Variants in KCNAB2 observed in about 807,000 individuals in gnomAD.
KCNAB2 encodes potassium voltage-gated channel subfamily A regulatory beta subunit 2.
Under a neutral mutation model 63.6 loss-of-function variants are expected in KCNAB2, and 29 were observed. The ratio of observed to expected loss-of-function variants is 0.46; its 90% CI spans 0.34 to 0.62. The LOEUF is 0.62. Ranked by LOEUF, KCNAB2 falls within the 20% of genes least tolerant of loss-of-function variation. The probability of loss-of-function intolerance (pLI) is 0.01; values close to 1 mark genes in which losing one functional copy is unlikely to be tolerated. For synonymous variants in KCNAB2, 222 were observed against 224.2 expected (o/e 0.99, Z 0.09); for missense variants, 359 against 563.9 (o/e 0.64, Z 3.68).
At chr1:6,030,538 CAT>C (rs1390306496), upstream of KCNAB2, among the ~76,000 whole-genome samples, 1 of 144,378 alleles carries the variant, frequency 6.9e-6, no homozygotes, top group African/African-American at 2.6e-5. Flanking sequence ...TGTGTGTGTA[CAT>C]ATGTGTGTAT....
intron 1 of KCNAB2, among the ~76,000 whole-genome samples, chr1:5,998,696 G>T (rs1657072235): frequency 6.6e-6 from 1 of 152,236 alleles, no homozygotes; most frequent in South Asian, 2.1e-4. Context: ...CAAGGAGGCA[G>T]CCTCTGTTGA....
upstream of KCNAB2, among the ~76,000 whole-genome samples, chr1:6,033,211 A>C (rs1467174865): frequency 6.6e-6 from 1 of 150,524 alleles, no homozygotes; most frequent in Non-Finnish European, 1.5e-5. Context: ...GTGTGTGTGC[A>C]TGTGGGTGTG....
At chr1:6,098,240 G>A in intron 15 of KCNAB2, 3 of 1,268,172 alleles carry the variant, frequency 2.4e-6, no homozygotes, top group Middle Eastern at 3.0e-4. Flanking sequence ...CACCCTTCAG[G>A]AAGGTTCTAG....
upstream of KCNAB2, among the ~76,000 whole-genome samples, chr1:6,030,927 G>GGT (rs70981310): frequency 0.52 from 77,328 of 149,408 alleles, 19,747 homozygotes; most frequent in Admixed American, 0.55. Flanking sequence ...TATGTGTAGG[G>GGT]GTGTGTGTGT....
chr1:6,059,971 G>A (rs555369975), intron 2 of KCNAB2, among the ~76,000 whole-genome samples: 10 of 152,284 alleles, frequency 6.6e-5, no homozygotes, highest in South Asian at 2.1e-4. Flanking sequence ...TGGGATGTGC[G>A]CTCTGGGCAA....
At position 6,056,133 on chromosome 1, in the gene KCNAB2, C is replaced by T. The variant is rs532664441; in HGVS notation, c.218+4379C>T. Among the ~76,000 whole-genome samples, 17 of 152,252 alleles carry T rather than the reference C, an allele frequency of 1.1e-4. No homozygotes were observed. In the Middle Eastern group the frequency reaches 0.014, roughly 122 times the overall value. On this transcript the variant is annotated intron_variant, in intron 2 of 15. Coordinates refer to ENST00000378083, the MANE Select transcript of KCNAB2 (RefSeq NM_001199862.2). ...AATCTCAGCTCACTGCAACCTCTGC[C>T]TCCTGGGTTCAAGCGATTCTCCTGC...
Position 6,035,775 on chromosome 1 carries a change from T to G in KCNAB2, c.-53+981T>G, listed in dbSNP as rs1256524261. 6.6e-6 allele frequency: 1 copy of G among 151,524 alleles called. No individual in the cohort carries two copies. The highest frequency in any genetic ancestry group is 2.4e-5 in the African/African-American group (1 of 41,040). 9.4% of individuals were successfully genotyped at this position (151,524 alleles called of 1,614,324 possible). A position where few individuals can be genotyped will look rare whatever the true frequency, so the allele number is the denominator to read the frequency against. Reference sequence around the variant, plus strand: ...GGGGAGTGGTAGAGGGGGTGGGGTCTGCAGCATGGGGACGGGGTTCAGAGC... The same window carrying G: ...GGGGAGTGGTAGAGGGGGTGGGGTCGGCAGCATGGGGACGGGGTTCAGAGC... On this transcript the variant is annotated intron_variant, in intron 1 of 15. Transcript: ENST00000164247. This position sits in a 1 kb window ranked among gnomAD's most constrained non-coding sequence, Gnocchi z 5.0.
intron 1 of KCNAB2, among the ~76,000 whole-genome samples, chr1:6,011,993 G>A (rs1225194903): frequency 4.6e-5 from 7 of 152,188 alleles, no homozygotes; most frequent in African/African-American, 1.7e-4. Context: ...AGGCAGAGGG[G>A]GCAGAGGCCA....
At chr1:6,070,507 T>G (rs551558258) in intron 2 of KCNAB2, among the ~76,000 whole-genome samples, 1 of 152,374 alleles carries the variant, frequency 6.6e-6, no homozygotes, top group East Asian at 1.9e-4. Flanking sequence ...CAGAGGGTAC[T>G]ATCAAGAGTA....
At chr1:6,089,721 G>C (rs1043004145) in intron 8 of KCNAB2, among the ~76,000 whole-genome samples, 1 of 152,208 alleles carries the variant, frequency 6.6e-6, no homozygotes, top group Non-Finnish European at 1.5e-5. Flanking sequence ...TTTTGAGATG[G>C]AGTTTTGCTC....
chr1:6,069,644 A>G lies in KCNAB2; in HGVS notation c.219-3111A>G, dbSNP rs1663033976. ...TCTGTGTCTGGGAAGTTTCAAGTAC[A>G]GCAGGGAGCAGCCCCATCCAGACCC... On this transcript the variant is annotated intron_variant, in intron 2 of 15. Transcript: ENST00000378083. This position sits in a 1 kb window ranked among gnomAD's most constrained non-coding sequence, Gnocchi z 5.4. 6.6e-6 allele frequency among the ~76,000 whole-genome samples: 1 copy of G among 152,218 alleles called. No individual in the cohort carries two copies. Among genetic ancestry groups the G allele is most frequent in the Non-Finnish European group, 1.5e-5 (1 of 68,044 alleles).
At chr1:6,058,891 G>A (rs919720976) in intron 2 of KCNAB2, among the ~76,000 whole-genome samples, 9 of 152,282 alleles carry the variant, frequency 5.9e-5, no homozygotes, top group Admixed American at 3.3e-4. Context: ...GGCTTGGGTC[G>A]GGGCTGGGAG....
At position 6,051,701 on chromosome 1, in the gene KCNAB2, G is replaced by A. The variant is rs1013948926; in HGVS notation, c.165G>A (p.Met55Ile). 1 of 1,533,802 alleles carries A rather than the reference G, an allele frequency of 6.5e-7. No homozygotes were observed. Among genetic ancestry groups the A allele is most frequent in the East Asian group, 2.4e-5 (1 of 40,920 alleles). Residue 55 changes from methionine to isoleucine, a missense_variant, in exon 2 of 16, where the codon ATG becomes ATA. By Grantham distance (10) the Met-to-Ile change is conservative (BLOSUM62 1). This residue lies in a region of KCNAB2 where 88 missense variants were observed against 87.8 expected (regional missense o/e 1.00). Coordinates refer to ENST00000378083, the MANE Select transcript of KCNAB2 (RefSeq NM_001199862.2). ...GGAACATGGAGAGCTTCCTCCGCAT[G>A]CACGGCCTTTCCCTGGACGGCTGCA... is the stretch of plus-strand genomic sequence containing the variant. ...QARNMESFLR[M>I]HGLSLDGCTA...
upstream of KCNAB2, chr1:6,041,620 C>A: frequency 1.7e-6 from 1 of 575,250 alleles, no homozygotes. Context: ...CGGGTCTCTG[C>A]CCCGTGGCCA....
At chr1:6,094,158 C>T (rs1407742166) in intron 10 of KCNAB2, among the ~76,000 whole-genome samples, 1 of 152,164 alleles carries the variant, frequency 6.6e-6, no homozygotes, top group Admixed American at 6.5e-5. Flanking sequence ...TTCCATAGGC[C>T]TGTAACCAGT....
At chr1:6,084,779 A>G (rs561297431) in intron 5 of KCNAB2, among the ~76,000 whole-genome samples, 13 of 12,948 alleles carry the variant, frequency 1.0e-3, no homozygotes, top group East Asian at 0.029. Flanking sequence ...TCTCGCCACT[A>G]CATTCCATTG....
intron 15 of KCNAB2, 84 bp downstream of exon 15, chr1:6,097,441 G>A: frequency 1.1e-5 from 17 of 1,543,926 alleles, no homozygotes; most frequent in Non-Finnish European, 1.5e-5. Flanking sequence ...CGTCCTGCGT[G>A]CCAGGCTCTG....
chr1:6,051,875 G>C, intron 2 of KCNAB2, 121 bp downstream of exon 2: 1 of 1,173,206 alleles, frequency 8.5e-7, no homozygotes. Flanking sequence ...AGGCAGAGGC[G>C]GGTGGATCAC....
At chr1:6,033,104 A>C (rs538348381), upstream of KCNAB2, among the ~76,000 whole-genome samples, 1 of 152,232 alleles carries the variant, frequency 6.6e-6, no homozygotes, top group East Asian at 1.9e-4. Context: ...GGTTAAGACA[A>C]AATTCTCAGA....
Sources: allele counts gnomAD v4.1 joint callset (sites outside exome capture counted in the v4.1 genomes callset), GRCh38; gene constraint gnomAD v4.1.1; regional missense constraint gnomAD v4.1.1; non-coding constraint Gnocchi (gnomAD v3.1); transcripts MANE v1.5; gene names NCBI Gene and HGNC (gene_info 2026-07-23, HGNC 2026-07-21).